Variants in RALGPS2 observed in about 807,000 individuals in gnomAD.
RALGPS2 encodes the protein ras-specific guanine nucleotide-releasing factor RalGPS2.
RALGPS2 carries 43 observed loss-of-function variants against 86.8 expected under a neutral mutation model. The ratio of observed to expected loss-of-function variants is 0.50; its 90% CI spans 0.39 to 0.64. The LOEUF is 0.64. Among genes scored for constraint, RALGPS2 ranks in the 30% least tolerant of loss-of-function variants. The probability of loss-of-function intolerance (pLI) is 0.00; values close to 1 mark genes in which losing one functional copy is unlikely to be tolerated. For missense variants in RALGPS2, 536 were observed against 694.6 expected (o/e 0.77, Z 2.57); for synonymous variants, 243 against 231.3 (o/e 1.05, Z -0.46).
chr1:178,761,190 G>C (rs1012119359), intron 1 of RALGPS2, among the ~76,000 whole-genome samples: 1 of 152,056 alleles, frequency 6.6e-6, no homozygotes, highest in Non-Finnish European at 1.5e-5. Flanking sequence ...TTGCCAGGCT[G>C]GTCTCGATCT....
intron 1 of RALGPS2, among the ~76,000 whole-genome samples, chr1:178,767,843 C>T (rs1652590814): frequency 6.6e-6 from 1 of 152,164 alleles, no homozygotes; most frequent in Non-Finnish European, 1.5e-5. Flanking sequence ...GCCTGGCTAC[C>T]AGTAGCAGAG....
intron 18 of RALGPS2, among the ~76,000 whole-genome samples, chr1:178,903,884 A>G (rs1319193093): frequency 1.3e-5 from 2 of 152,122 alleles, no homozygotes; most frequent in East Asian, 1.9e-4. Flanking sequence ...GGATTGCTGG[A>G]TCAAATGGTA....
Position 178,808,096 on chromosome 1 carries a change from A to C in RALGPS2, c.265A>C (p.Asn89His), listed in dbSNP as rs75584817. ...NKKEKYSSAP[N>H]AVAFTRRFNH... ...AAAAGAAAAATATAGTTCTGCACCA[A>C]ATGCAGTTGCCTTCACAAGAAGATT... Residue 89 changes from asparagine to histidine, a missense_variant, in exon 5 of 20, where the codon AAT becomes CAT. Asn to His is a moderately conservative substitution (Grantham distance 68). This residue lies in a region of RALGPS2 where 184 missense variants were observed against 296.7 expected (regional missense o/e 0.62). Transcript: ENST00000367635. 761 of 1,610,972 alleles carry C rather than the reference A, an allele frequency of 4.7e-4. 15 individuals are homozygous for C. The East Asian group carries it at 0.013, about 28-fold the overall frequency.
At chr1:178,748,385 AGGACTTGTGTACTAATG>A (rs1558100688) in intron 1 of RALGPS2, among the ~76,000 whole-genome samples, 1 of 152,196 alleles carries the variant, frequency 6.6e-6, no homozygotes, top group African/African-American at 2.4e-5. Context: ...ATCTACTGAA[AGGACTTGTGTACTAATG>A]TTCACAGCAG....
At chr1:178,801,496 CA>C (rs377370047) in intron 4 of RALGPS2, among the ~76,000 whole-genome samples, 1 of 151,988 alleles carries the variant, frequency 6.6e-6, no homozygotes, top group Admixed American at 6.6e-5. Flanking sequence ...GGAAGCCAGA[CA>C]AAAGTATGGT....
intron 1 of RALGPS2, among the ~76,000 whole-genome samples, chr1:178,746,158 G>T (rs1403394018): frequency 1.3e-5 from 2 of 152,056 alleles, no homozygotes; most frequent in Non-Finnish European, 2.9e-5. Context: ...AAGACCGGCT[G>T]CAGGATGGCA....
chr1:178,788,686 A>G (rs1353340252), intron 4 of RALGPS2, among the ~76,000 whole-genome samples: 1 of 152,110 alleles, frequency 6.6e-6, no homozygotes, highest in African/African-American at 2.4e-5. Flanking sequence ...TGAGGGCTAG[A>G]TGGTGTGGGG....
chr1:178,878,269 T>G (rs926388022), intron 9 of RALGPS2, among the ~76,000 whole-genome samples: 1 of 152,088 alleles, frequency 6.6e-6, no homozygotes, highest in Non-Finnish European at 1.5e-5. Flanking sequence ...GGAAATAAAG[T>G]TAGGCTGTTA....
chr1:178,885,804 C>T (rs1659456045), intron 12 of RALGPS2, among the ~76,000 whole-genome samples, 165 bp from the exon 13 acceptor site: 1 of 152,004 alleles, frequency 6.6e-6, no homozygotes, highest in Non-Finnish European at 1.5e-5. Flanking sequence ...TAGATAGGGC[C>T]AGGTTTCCTA....
intron 8 of RALGPS2, among the ~76,000 whole-genome samples, chr1:178,869,503 G>A (rs558377598): frequency 3.9e-5 from 6 of 152,140 alleles, no homozygotes; most frequent in South Asian, 4.1e-4. Context: ...TTAAGACAGC[G>A]TCAGTAAGAA....
chr1:178,819,918 A>G (rs1021598817), intron 6 of RALGPS2, among the ~76,000 whole-genome samples: 3 of 152,164 alleles, frequency 2.0e-5, no homozygotes, highest in Non-Finnish European at 4.4e-5. Flanking sequence ...TCCAAAATGT[A>G]GTACACATCC....
At chr1:178,909,150 GA>G (rs1187383217) in intron 19 of RALGPS2, among the ~76,000 whole-genome samples, 4 of 152,120 alleles carry the variant, frequency 2.6e-5, no homozygotes, top group Non-Finnish European at 5.9e-5. Context: ...GCAGCATATT[GA>G]ATAGGGAGCC....
In RALGPS2 at chr1:178,784,412, T is replaced by G. The variant is rs1468221999; in HGVS notation, c.58-6T>G. On this transcript the variant is annotated splice_region_variant and splice_polypyrimidine_tract_variant and intron_variant, in intron 2 of 19. Coordinates refer to ENST00000367635, the MANE Select transcript of RALGPS2 (RefSeq NM_152663.5). ...TAAAAGGCTGCATTTTCTTTCACTT[T>G]AACAGAAAAGTAGCAGCTCTGAATC... 1.3e-6 allele frequency: 2 copies of G among 1,592,778 alleles called. No homozygotes were observed. Among genetic ancestry groups the G allele is most frequent in the African/African-American group, 2.7e-5 (2 of 74,548 alleles).
chr1:178,892,857 A>T (rs10913636), intron 15 of RALGPS2, among the ~76,000 whole-genome samples: 13,053 of 152,048 alleles, frequency 0.086, 610 homozygotes, highest in Admixed American at 0.11. Flanking sequence ...TGGTGTATTG[A>T]TTGGGAACGT....
At chr1:178,756,473 T>G (rs996192046) in intron 1 of RALGPS2, among the ~76,000 whole-genome samples, 2 of 152,154 alleles carry the variant, frequency 1.3e-5, no homozygotes, top group Admixed American at 6.6e-5. Context: ...CTGTAGCTGT[T>G]GGCTTTATTT....
intron 17 of RALGPS2, among the ~76,000 whole-genome samples, chr1:178,898,525 A>G (rs1177509516): frequency 6.6e-6 from 1 of 151,980 alleles, no homozygotes; most frequent in East Asian, 1.9e-4. Context: ...AGAAAAGAAC[A>G]TTTTTGGTTT....
intron 19 of RALGPS2, among the ~76,000 whole-genome samples, chr1:178,914,933 T>G (rs1000429681): frequency 6.6e-6 from 1 of 152,198 alleles, no homozygotes. Flanking sequence ...AAATGTAATT[T>G]AGGGTATTAA....
Position 178,808,097 on chromosome 1 carries a change from A to C in RALGPS2, c.266A>C (p.Asn89Thr). 6.2e-7 allele frequency: 1 copy of C among 1,610,740 alleles called. No individual in the cohort carries two copies. Among genetic ancestry groups the C allele is most frequent in the Non-Finnish European group, 8.5e-7 (1 of 1,177,448 alleles). ...AAAGAAAAATATAGTTCTGCACCAA[A>C]TGCAGTTGCCTTCACAAGAAGATTC... Reference protein sequence around the residue: ...NKKEKYSSAPNAVAFTRRFNH... With the variant: ...NKKEKYSSAPTAVAFTRRFNH... The change falls in exon 5 of 20, where the codon AAT becomes ACT. Residue 89 changes from asparagine to threonine, a missense_variant. By Grantham distance (65) the Asn-to-Thr change is moderately conservative. Around this residue, in one of 3 missense-constraint regions of RALGPS2, gnomAD observed 184 missense variants for 296.7 expected, o/e 0.62. Coordinates refer to ENST00000367635, the MANE Select transcript of RALGPS2 (RefSeq NM_152663.5).
chr1:178,856,202 G>GAGATATATATATATAT (rs1428022812), intron 8 of RALGPS2, among the ~76,000 whole-genome samples: 34 of 83,892 alleles, frequency 4.1e-4, no homozygotes, highest in Middle Eastern at 5.7e-3. Flanking sequence ...GAGAGAGAGA[G>GAGATATATATATATAT]ATATATATAT....
Sources: gnomAD v4.1 joint callset for allele counts (sites outside exome capture counted in the v4.1 genomes callset) on GRCh38, gnomAD v4.1.1 for gene constraint, gnomAD v4.1.1 regional missense constraint, MANE v1.5 for transcripts, NCBI Gene and HGNC (gene_info 2026-07-23, HGNC 2026-07-21) for gene names.